FDXR: variants seen among roughly 807,000 people sequenced by gnomAD.
FDXR encodes the protein ferredoxin reductase, also known as NADPH:adrenodoxin oxidoreductase, mitochondrial.
FDXR carries 38 observed loss-of-function variants against 58.3 expected under a neutral mutation model. That is an observed-to-expected ratio of 0.65 (90% CI 0.50 to 0.85). The LOEUF is 0.85. Among genes scored for constraint, FDXR ranks in the 40% least tolerant of loss-of-function variants. The pLI, the probability that FDXR is intolerant of heterozygous loss-of-function variation, is 0.00. For missense variants in FDXR, 624 were observed against 671.0 expected (o/e 0.93, Z 0.77); for synonymous variants, 275 against 273.8 (o/e 1.00, Z -0.04).
At chr17:74,872,629 T>C (rs1343423381) in intron 1 of FDXR, 5 of 881,494 alleles carry the variant, frequency 5.7e-6, no homozygotes, top group Middle Eastern at 2.3e-4. Flanking sequence ...CTCACACCTG[T>C]AGATCTCAAA....
At position 74,862,808 on chromosome 17, in the gene FDXR, G is replaced by T; in HGVS notation, c.*9C>A. 1 of 1,606,226 alleles carries T rather than the reference G, an allele frequency of 6.2e-7. No individual in the cohort carries two copies. The highest frequency in any genetic ancestry group is 8.5e-7 in the Non-Finnish European group (1 of 1,178,598). Reference sequence around the variant, plus strand: ...CCTTCCCTGCTGGGGGCCGGGGCTGGGGCTGGGCTCAGTGGCCCAGGAGGC... The same window carrying T: ...CCTTCCCTGCTGGGGGCCGGGGCTGTGGCTGGGCTCAGTGGCCCAGGAGGC... On this transcript the variant is annotated 3_prime_UTR_variant, in exon 12 of 12. Transcript: ENST00000293195.
chr17:74,864,830 G>A lies in FDXR; in HGVS notation c.711C>T (p.Thr237=), dbSNP rs113660127. The change falls in exon 7 of 12, where the codon ACC becomes ACT. Residue 237 remains threonine (T), a synonymous_variant. Transcript: ENST00000293195. Reference sequence around the variant, plus strand: ...CCCACTCTGGCCCCAGCACCTTAATGGTGAAGGCCACTTGCAGGGGTCCAC... The same window carrying A: ...CCCACTCTGGCCCCAGCACCTTAATAGTGAAGGCCACTTGCAGGGGTCCAC... ...GRRGPLQVAF[T]IKELREMIQL... is the part of the protein sequence containing the mutation. The A allele has an allele frequency of 2.0e-5, 33 of 1,613,968 alleles. 1 individual carries two copies. In the African/African-American group the frequency reaches 2.5e-4, roughly 12 times the overall value.
Position 74,863,914 on chromosome 17 carries a change from G to C in FDXR, c.1156C>G (p.Arg386Gly), listed in dbSNP as rs760345680. The change falls in exon 10 of 12, where the codon CGG becomes GGG. Residue 386 changes from arginine to glycine, a missense_variant. Coordinates refer to ENST00000293195, the MANE Select transcript of FDXR (RefSeq NM_024417.5). ...CTCTCACCTGGCACATCCATAACCC[G>C]GCCCTCCACATTGGGGATGACCCCA... is the stretch of plus-strand genomic sequence containing the variant. ...KLGVIPNVEG[R>G]VMDVPGLYCS... The C allele has an allele frequency of 1.2e-6, 2 of 1,613,454 alleles. No homozygotes were observed.
At chr17:74,867,100 A>G in intron 2 of FDXR, 1 of 871,816 alleles carries the variant, frequency 1.1e-6, no homozygotes, top group Non-Finnish European at 1.7e-6. Flanking sequence ...TGAGGTCAGG[A>G]GTTCGAGACC....
chr17:74,865,788 C>A lies in FDXR; in HGVS notation c.540G>T (p.Val180=). The change falls in exon 6 of 12, where the codon GTG becomes GTT. Residue 180 remains valine, a synonymous_variant. Coordinates refer to ENST00000293195, the MANE Select transcript of FDXR (RefSeq NM_024417.5). Reference sequence around the variant, plus strand: ...GAGCCACGTTCCCCTGCCCCAGAATCACGGCTGTGTCACAGCTCAGGTCTG... The same window carrying A: ...GAGCCACGTTCCCCTGCCCCAGAATAACGGCTGTGTCACAGCTCAGGTCTG... ...LEPDLSCDTA[V]ILGQGNVALD... The A allele has an allele frequency of 6.2e-7, 1 of 1,613,740 alleles. No homozygotes were observed. Among genetic ancestry groups the A allele is most frequent in the Non-Finnish European group, 8.5e-7 (1 of 1,179,942 alleles).
At chr17:74,867,306 CAAAAAAAAA>C (rs56079045) in intron 2 of FDXR, among the ~76,000 whole-genome samples, 11 of 16,542 alleles carry the variant, frequency 6.6e-4, no homozygotes, top group Non-Finnish European at 8.8e-4. Flanking sequence ...GACTCTGTCT[CAAAAAAAAA>C]AAAAAAAAAA....
chr17:74,863,383 G>A (rs2038045913), intron 10 of FDXR, 137 bp from the exon 11 acceptor site: 1 of 815,780 alleles, frequency 1.2e-6, no homozygotes, highest in Non-Finnish European at 1.9e-6. Context: ...TGAGCCTGCT[G>A]TGGCCGCTGG....
At chr17:74,863,742 C>G (rs886989847) in intron 10 of FDXR, among the ~76,000 whole-genome samples, 154 bp downstream of exon 10, 9 of 152,344 alleles carry the variant, frequency 5.9e-5, no homozygotes, top group African/African-American at 2.2e-4. Context: ...TCTCTCAGGG[C>G]CAAGAGGAGG....
chr17:74,864,232 G>A lies in FDXR; in HGVS notation c.918C>T (p.Arg306=). The A allele has an allele frequency of 1.9e-6, 3 of 1,607,772 alleles. No individual in the cohort carries two copies. The highest frequency in any genetic ancestry group is 2.6e-6 in the Non-Finnish European group (3 of 1,175,972). The change falls in exon 9 of 12, where the codon CGC becomes CGT. Residue 306 remains arginine (R), a synonymous_variant. Coordinates refer to ENST00000293195, the MANE Select transcript of FDXR (RefSeq NM_024417.5). The part of the protein sequence containing the change: ...QASASRAWGL[R]FFRSPQQVLP... Reference sequence around the variant, plus strand: ...GCACCTGCTGGGGGCTTCGGAAAAAGCGGAGGCCCCAGGCACGGGAGGCCG... The same window carrying A: ...GCACCTGCTGGGGGCTTCGGAAAAAACGGAGGCCCCAGGCACGGGAGGCCG...
chr17:74,867,159 T>C (rs1401004059), intron 2 of FDXR, among the ~76,000 whole-genome samples: 1 of 151,682 alleles, frequency 6.6e-6, no homozygotes, highest in Admixed American at 6.6e-5. Context: ...ATACAAAGAT[T>C]AGCTGAGCGT....
At chr17:74,867,156 G>A (rs2460857) in intron 2 of FDXR, among the ~76,000 whole-genome samples, 125,746 of 151,738 alleles carry the variant, frequency 0.83, 52,718 homozygotes, top group African/African-American at 0.94. Flanking sequence ...AAAATACAAA[G>A]ATTAGCTGAG....
At position 74,864,886 on chromosome 17, in the gene FDXR, G is replaced by A. The variant is rs778482062; in HGVS notation, c.655C>T (p.Arg219Ter). 5 of 1,614,084 alleles carry A rather than the reference G, an allele frequency of 3.1e-6. No individual in the cohort carries two copies. Among genetic ancestry groups the A allele is most frequent in the South Asian group, 2.2e-5 (2 of 91,076 alleles). ...CCCACTAGCCACACTGTCTTCACTCGACTCTGCCTCAGTACACCCAGGGCT... is the reference window on the plus strand; with the variant it reads ...CCCACTAGCCACACTGTCTTCACTCAACTCTGCCTCAGTACACCCAGGGCT... ...KAALGVLRQS[R>*]VKTVWLVGRR... Residue 219 changes from arginine (R) to a stop codon, truncating the protein, a stop_gained, in exon 7 of 12, where the codon CGA becomes TGA. Coordinates refer to ENST00000293195, the MANE Select transcript of FDXR (RefSeq NM_024417.5). LOFTEE classifies it high-confidence loss of function.
intron 2 of FDXR, chr17:74,867,144 T>C: frequency 1.6e-6 from 1 of 612,106 alleles, no homozygotes. Context: ...CTGTCTCTAC[T>C]AAAAATACAA....
At chr17:74,872,374 G>T in intron 1 of FDXR, 1 of 1,061,432 alleles carries the variant, frequency 9.4e-7, no homozygotes, top group Non-Finnish European at 1.4e-6. Context: ...CACTGCCAAT[G>T]GCCTGCCCAA....
At position 74,865,804 on chromosome 17, in the gene FDXR, C is replaced by A. The variant is rs780777479; in HGVS notation, c.524G>T (p.Ser175Ile). ...PENQELEPDLSCDTAVILGQG... is the reference protein window; with the variant it reads ...PENQELEPDLICDTAVILGQG... ...CCCCAGAATCACGGCTGTGTCACAG[C>A]TCAGGTCTGGCTCCAGCTGGAGGGG... The change falls in exon 6 of 12, where the codon AGC becomes ATC. Residue 175 changes from serine to isoleucine, a missense_variant. Physicochemically the swap from Ser to Ile is moderately radical, Grantham distance 142 (BLOSUM62 -2). Transcript: ENST00000293195. 1 of 1,613,472 alleles carries A rather than the reference C, an allele frequency of 6.2e-7. No individual in the cohort carries two copies. Among genetic ancestry groups the A allele is most frequent in the South Asian group, 1.1e-5 (1 of 90,932 alleles).
Position 74,866,152 on chromosome 17 carries a change from GTT to G in FDXR, c.484_485del (p.Asn162ArgfsTer4). ...TCACCTCCTGGTTCTCAGGAAGCCC[GTT>G]GTACCAGCCCACGAAGGCCCGGGCG... Reference protein sequence around the residue: ...CSARAFVGWYNGLPENQELEP... With the variant: ...CSARAFVGWYXGLPENQELEP... On this transcript the variant is annotated frameshift_variant, in exon 5 of 12. Transcript: ENST00000293195. LOFTEE classifies it high-confidence loss of function. 1 of 1,613,440 alleles carries G rather than the reference GTT, an allele frequency of 6.2e-7. No homozygotes were observed. Among genetic ancestry groups the G allele is most frequent in the Non-Finnish European group, 8.5e-7 (1 of 1,179,704 alleles).
chr17:74,872,330 C>A, intron 1 of FDXR, 197 bp from the exon 2 acceptor site: 1 of 1,472,942 alleles, frequency 6.8e-7, no homozygotes, highest in Non-Finnish European at 9.2e-7. Flanking sequence ...TGGGTTCATC[C>A]AGAGCCCACA....
At chr17:74,865,991 C>A in intron 5 of FDXR, 140 bp downstream of exon 5, 2 of 847,800 alleles carry the variant, frequency 2.4e-6, no homozygotes, top group South Asian at 3.2e-5. Context: ...CCCCCGAGGC[C>A]CTCCACAGCT....
At chr17:74,866,649 G>A in intron 3 of FDXR, 81 bp from the exon 4 acceptor site, 1 of 1,602,022 alleles carries the variant, frequency 6.2e-7, no homozygotes, top group Non-Finnish European at 8.5e-7. Context: ...TCACCACTCT[G>A]TGTCCCCAGG....
Sources: allele counts gnomAD v4.1 joint callset (sites outside exome capture counted in the v4.1 genomes callset), GRCh38; gene constraint gnomAD v4.1.1; transcripts MANE v1.5; gene names NCBI Gene and HGNC (gene_info 2026-07-23, HGNC 2026-07-21).